Variants in ANAPC10 observed in about 807,000 individuals in gnomAD.
The protein encoded by ANAPC10 is anaphase promoting complex subunit 10, also known as anaphase-promoting complex subunit 10.
A neutral mutation model predicts 22.0 loss-of-function variants in ANAPC10; 12 were observed. The observed-to-expected ratio is 0.55, with a 90% confidence interval of 0.35 to 0.88. The LOEUF is 0.88. ANAPC10 is among the 40% of genes least tolerant of loss of function. The pLI is 0.01. For synonymous variants in ANAPC10, 65 were observed against 69.5 expected (o/e 0.94, Z 0.32); for missense variants, 188 against 220.9 (o/e 0.85, Z 0.94).
intron 1 of ANAPC10, 101 bp from the exon 2 acceptor site, chr4:145,096,212 C>T (rs1748491926): frequency 8.6e-7 from 1 of 1,168,520 alleles, no homozygotes; most frequent in Non-Finnish European, 1.2e-6. Context: ...TATACCCTGA[C>T]ATTAATCATT....
At chr4:145,002,382 G>A (rs1280568224) in intron 4 of ANAPC10, among the ~76,000 whole-genome samples, 2 of 151,958 alleles carry the variant, frequency 1.3e-5, no homozygotes, top group Non-Finnish European at 2.9e-5. Context: ...TAGTGAAGAA[G>A]GCGACCACCT....
intron 3 of ANAPC10, among the ~76,000 whole-genome samples, chr4:145,079,403 A>G (rs1745632699): frequency 1.3e-5 from 2 of 152,256 alleles, no homozygotes; most frequent in Admixed American, 1.3e-4. Context: ...GTTGTGAAAA[A>G]AAGGGAATAC....
At chr4:145,067,381 C>T (rs1442209738) in intron 3 of ANAPC10, among the ~76,000 whole-genome samples, 1 of 152,020 alleles carries the variant, frequency 6.6e-6, no homozygotes, top group East Asian at 1.9e-4. Flanking sequence ...AGGAAGAGGG[C>T]AATACTTTCC....
intron 2 of ANAPC10, among the ~76,000 whole-genome samples, chr4:145,089,995 C>A (rs1230162307): frequency 1.3e-5 from 2 of 152,142 alleles, no homozygotes; most frequent in Non-Finnish European, 2.9e-5. Flanking sequence ...CAGGCTTCTA[C>A]CTAACTATAC....
intron 4 of ANAPC10, chr4:145,053,721 A>C: frequency 3.2e-6 from 2 of 619,398 alleles, no homozygotes; most frequent in Non-Finnish European, 5.8e-6. Flanking sequence ...CAATATTCTC[A>C]TTCCTTTATC....
At chr4:145,033,397 A>AACTGGAAGTT (rs1381167605) in intron 4 of ANAPC10, 1 of 152,326 alleles carries the variant, frequency 6.6e-6, no homozygotes, top group African/African-American at 2.4e-5. Context: ...CGATTCCATT[A>AACTGGAAGTT]AACTGGAAGT....
intron 4 of ANAPC10, among the ~76,000 whole-genome samples, chr4:145,017,095 C>T (rs183863531): frequency 2.0e-5 from 3 of 152,060 alleles, no homozygotes; most frequent in East Asian, 1.9e-4. Context: ...CAAAAGCAAT[C>T]GCAACAAAAG....
chr4:145,071,578 C>T (rs561673024), intron 3 of ANAPC10, among the ~76,000 whole-genome samples: 65 of 151,940 alleles, frequency 4.3e-4, no homozygotes, highest in African/African-American at 1.5e-3. Context: ...CCATATGATC[C>T]GTATGAACAG....
rs567413829 is a variant in ANAPC10, at chr4:145,015,401, T to C, written c.328-19798A>G. Among the ~76,000 whole-genome samples the C allele has an allele frequency of 1.8e-3, 275 of 151,720 alleles. 1 individual carries two copies. The highest frequency in any genetic ancestry group is 2.8e-3 in the Non-Finnish European group (187 of 67,914). On this transcript the variant is annotated intron_variant, in intron 4 of 4. Coordinates refer to ENST00000507656, the MANE Select transcript of ANAPC10 (RefSeq NM_001256706.2). ...CCAAACAAAGACAAAGAAAAAAGAA[T>C]AAGAAAATATGAACAAAGTCTCCGA...
chr4:145,024,234 C>T (rs1260749708), intron 4 of ANAPC10, among the ~76,000 whole-genome samples: 1 of 152,200 alleles, frequency 6.6e-6, no homozygotes, highest in Non-Finnish European at 1.5e-5. Flanking sequence ...TTGAACCTCT[C>T]AAAGTCATCA....
At chr4:145,047,102 A>AT (rs1740425069) in intron 4 of ANAPC10, among the ~76,000 whole-genome samples, 1 of 152,022 alleles carries the variant, frequency 6.6e-6, no homozygotes, top group African/African-American at 2.4e-5. Context: ...TGTAATTTTC[A>AT]TTTTTTAAAG....
intron 4 of ANAPC10, among the ~76,000 whole-genome samples, chr4:145,007,708 G>A (rs1250973240): frequency 6.6e-6 from 1 of 152,040 alleles, no homozygotes; most frequent in Non-Finnish European, 1.5e-5. Context: ...AGCACTAAAT[G>A]CCCACAAGAG....
intron 4 of ANAPC10, among the ~76,000 whole-genome samples, chr4:145,036,123 G>T (rs772745294): frequency 2.0e-5 from 3 of 152,188 alleles, no homozygotes; most frequent in Middle Eastern, 3.4e-3. Context: ...ATTAGGACAT[G>T]GTATGATTCA....
chr4:145,054,628 TGTGTGTGTGTGTGCGCGCGC>T (rs1368376019), intron 4 of ANAPC10, among the ~76,000 whole-genome samples: 9 of 127,690 alleles, frequency 7.0e-5, no homozygotes, highest in African/African-American at 2.6e-4. Context: ...TGTGTGTGTG[TGTGTGTGTGTGTGCGCGCGC>T]GCGCGCGTGC....
intron 4 of ANAPC10, among the ~76,000 whole-genome samples, chr4:145,013,281 T>C (rs542382263): frequency 2.6e-5 from 4 of 151,826 alleles, no homozygotes; most frequent in Admixed American, 2.0e-4. Context: ...TGAGCACAAA[T>C]GAAAAAAACC....
At chr4:144,996,833 AC>A (rs1319221510) in intron 4 of ANAPC10, among the ~76,000 whole-genome samples, 1 of 152,140 alleles carries the variant, frequency 6.6e-6, no homozygotes, top group East Asian at 1.9e-4. Flanking sequence ...GAAGCTAAAA[AC>A]CTTGAAAAAA....
chr4:145,096,001 G>T lies in ANAPC10; in HGVS notation c.99C>A (p.Leu33=), dbSNP rs1171498376. Residue 33 remains leucine, a synonymous_variant, in exon 2 of 5, where the codon CTC becomes CTA. Coordinates refer to ENST00000507656, the MANE Select transcript of ANAPC10 (RefSeq NM_001256706.2). The part of the protein sequence containing the change: ...REIGSQAVWS[L]SSCKPGFGVD... ...AGTTTTTACCTGGTTTGCAAGATGA[G>T]AGTGACCAAACAGCTTGTGACCCAA... The T allele has an allele frequency of 2.5e-6, 4 of 1,614,130 alleles. No homozygotes were observed. The South Asian group carries it at 3.3e-5, about 13-fold the overall frequency.
chr4:145,017,256 A>C (rs1339516932), intron 4 of ANAPC10, among the ~76,000 whole-genome samples: 1 of 152,210 alleles, frequency 6.6e-6, no homozygotes, highest in Non-Finnish European at 1.5e-5. Flanking sequence ...ATCTACAAAG[A>C]ACTCAAACAA....
At chr4:145,069,763 G>A (rs1217095550) in intron 3 of ANAPC10, among the ~76,000 whole-genome samples, 1 of 152,090 alleles carries the variant, frequency 6.6e-6, no homozygotes, top group Non-Finnish European at 1.5e-5. Context: ...ATTCTCTTAT[G>A]AGTATGTAGT....
Sources: gnomAD v4.1 joint callset for allele counts (sites outside exome capture counted in the v4.1 genomes callset) on GRCh38, gnomAD v4.1.1 for gene constraint, MANE v1.5 for transcripts, NCBI Gene and HGNC (gene_info 2026-07-23, HGNC 2026-07-21) for gene names.